The following DAPK2 variants were observed in gnomAD, a reference collection of about 807,000 sequenced individuals.
DAPK2 encodes the protein death associated protein kinase 2, also known as death-associated protein kinase 2.
Under a neutral mutation model 44.1 loss-of-function variants are expected in DAPK2, and 35 were observed. The observed-to-expected ratio is 0.79, with a 90% CI of 0.61 to 1.05. The LOEUF (loss-of-function observed/expected upper bound fraction) is 1.05, where lower values mean the gene tolerates loss of function less well. Ranked by LOEUF, DAPK2 falls within the 50% of genes least tolerant of loss-of-function variation. The pLI is 0.00. For missense variants in DAPK2, 453 were observed against 483.2 expected, an observed-to-expected ratio of 0.94 and a Z score of 0.59; for synonymous variants, 174 against 182.6, an observed-to-expected ratio of 0.95 and a Z score of 0.38.
intron 2 of DAPK2, among the ~76,000 whole-genome samples, chr15:63,975,379 C>G (rs753862953): frequency 6.6e-6 from 1 of 152,158 alleles, no homozygotes; most frequent in Non-Finnish European, 1.5e-5. Context: ...AACACATACT[C>G]TATGTTACAT....
chr15:63,948,047 C>T (rs2077493560), intron 3 of DAPK2, among the ~76,000 whole-genome samples: 2 of 152,060 alleles, frequency 1.3e-5, no homozygotes, highest in South Asian at 4.1e-4. Flanking sequence ...GTGGGCAAAG[C>T]ACCTGAGGTC....
At position 63,939,823 on chromosome 15, in the gene DAPK2, C is replaced by T. The variant is rs377537762; in HGVS notation, c.454-462G>A. 2.6e-5 allele frequency among the ~76,000 whole-genome samples: 4 copies of T among 152,272 alleles called. No individual in the cohort carries two copies. Among genetic ancestry groups the T allele is most frequent in the South Asian group, 4.1e-4 (2 of 4,822 alleles). Reference sequence around the variant, plus strand: ...GCTTACTGACCTTGGTCTTCCTGACCGCCTCTTTCCCCTGGCCAGCCAACT... The same window carrying T: ...GCTTACTGACCTTGGTCTTCCTGACTGCCTCTTTCCCCTGGCCAGCCAACT... On this transcript the variant is annotated intron_variant, in intron 3 of 10. Coordinates refer to ENST00000261891, the Ensembl canonical transcript of DAPK2. This position sits in a 1 kb window ranked among gnomAD's most constrained non-coding sequence, Gnocchi z 4.3.
At chr15:63,942,169 T>G in intron 3 of DAPK2, 1 of 977,406 alleles carries the variant, frequency 1.0e-6, no homozygotes, top group Non-Finnish European at 1.2e-6. Context: ...GAATTGAGGC[T>G]GAAATAAGAT....
Position 63,912,170 on chromosome 15 carries a change from G to T in DAPK2, c.886C>A (p.Arg296Ser). The T allele has an allele frequency of 1.2e-6, 2 of 1,613,580 alleles. No homozygotes were observed. The highest frequency in any genetic ancestry group is 1.7e-6 in the Non-Finnish European group (2 of 1,179,946). Residue 296 changes from arginine to serine, a missense_variant, in exon 9 of 11, where the codon CGC becomes AGC. Transcript: ENST00000261891. The surrounding 1 kb of genome is among the most constrained non-coding windows in gnomAD (Gnocchi z 4.4). ...TCCAGATTGACCACAGACTCCCTGCGCACCATGGCTTGCTGGTTGTCCACC... is the reference window on the plus strand; with the variant it reads ...TCCAGATTGACCACAGACTCCCTGCTCACCATGGCTTGCTGGTTGTCCACC...
chr15:64,015,000 C>G (rs1318738113), intron 1 of DAPK2, among the ~76,000 whole-genome samples: 1 of 151,298 alleles, frequency 6.6e-6, no homozygotes, highest in Non-Finnish European at 1.5e-5. Context: ...CGTTGATAGC[C>G]AAGAGGCATG....
At chr15:63,914,790 T>G (rs931821141) in intron 8 of DAPK2, among the ~76,000 whole-genome samples, 1 of 152,226 alleles carries the variant, frequency 6.6e-6, no homozygotes, top group African/African-American at 2.4e-5. Context: ...CTTTATCACC[T>G]TGTTCAAGTC....
In DAPK2 at chr15:63,917,382, A is replaced by C. The variant is rs1230099585; in HGVS notation, c.859-5185T>G. The stretch of plus-strand genomic sequence containing the variant: ...CTGTCTCAAAAAAAAAAAAAGAAAA[A>C]AAGAAGAAGAAAATCCTTAGCAGAG... On this transcript the variant is annotated intron_variant, in intron 8 of 10. Transcript: ENST00000261891. The surrounding 1 kb of genome is among the most constrained non-coding windows in gnomAD (Gnocchi z 4.4). 3 of 152,096 alleles carry C rather than the reference A, an allele frequency of 2.0e-5. No homozygotes were observed. The highest frequency in any genetic ancestry group is 4.1e-4 in the South Asian group (2 of 4,826). The allele number at this position is 152,096 out of a possible 1,614,324, so 9.4% of individuals were successfully genotyped here. A position where few individuals can be genotyped will look rare whatever the true frequency, so the allele number is the denominator to read the frequency against.
chr15:64,043,617 C>T (rs1181361282), upstream of DAPK2, among the ~76,000 whole-genome samples: 2 of 152,010 alleles, frequency 1.3e-5, no homozygotes, highest in African/African-American at 4.8e-5. Flanking sequence ...AGGGGAGCTT[C>T]GGAGGCTTCA....
intron 8 of DAPK2, 158 bp downstream of exon 9, chr15:63,924,658 C>T: frequency 1.4e-6 from 1 of 707,910 alleles, no homozygotes; most frequent in Non-Finnish European, 2.4e-6. Context: ...CGAATAAGCC[C>T]AGGCCCTCTG....
At chr15:64,032,576 T>C (rs1330479396) in intron 1 of DAPK2, among the ~76,000 whole-genome samples, 1 of 152,200 alleles carries the variant, frequency 6.6e-6, no homozygotes, top group Non-Finnish European at 1.5e-5. Context: ...TACATGCAAG[T>C]ACGTGTGCCA....
intron 1 of DAPK2, among the ~76,000 whole-genome samples, chr15:64,026,466 A>T (rs2079850461): frequency 6.6e-6 from 1 of 151,580 alleles, no homozygotes; most frequent in Non-Finnish European, 1.5e-5. Context: ...CTGGTCTCAA[A>T]CTCCTGGGCT....
At chr15:63,984,243 G>A (rs752712474) in intron 1 of DAPK2, among the ~76,000 whole-genome samples, 4 of 152,208 alleles carry the variant, frequency 2.6e-5, no homozygotes. Context: ...GTACAATTAG[G>A]AAACTGAGGC....
intron 3 of DAPK2, among the ~76,000 whole-genome samples, chr15:63,962,821 C>A (rs535660104): frequency 1.3e-5 from 2 of 152,350 alleles, no homozygotes; most frequent in South Asian, 2.1e-4. Context: ...AGGAGGCAGT[C>A]TGTCCATTCT....
Position 63,990,750 on chromosome 15 carries a change from G to A in DAPK2, c.93-6996C>T, listed in dbSNP as rs890796115. Reference sequence around the variant, plus strand: ...CGTGATTCCTCTGGAATTACCCTGCGAGGTTTCAGGGCCATAGGGCAGGGA... The same window carrying A: ...CGTGATTCCTCTGGAATTACCCTGCAAGGTTTCAGGGCCATAGGGCAGGGA... On this transcript the variant is annotated intron_variant, in intron 1 of 10. Transcript: ENST00000261891. The surrounding 1 kb of genome is among the most constrained non-coding windows in gnomAD (Gnocchi z 4.3). 1.7e-4 allele frequency among the ~76,000 whole-genome samples: 26 copies of A among 152,176 alleles called. No individual in the cohort carries two copies. Among genetic ancestry groups the A allele is most frequent in the African/African-American group, 5.3e-4 (22 of 41,442 alleles).
intron 8 of DAPK2, 194 bp downstream of exon 9, chr15:63,924,616 CAAACTT>C: frequency 1.8e-6 from 1 of 546,612 alleles, no homozygotes; most frequent in South Asian, 2.7e-5. Context: ...TTGAGACACA[CAAACTT>C]AAAATAGCAA....
chr15:64,018,620 C>A (rs1352459523), intron 1 of DAPK2, among the ~76,000 whole-genome samples: 1 of 152,194 alleles, frequency 6.6e-6, no homozygotes, highest in Non-Finnish European at 1.5e-5. Flanking sequence ...CCACCTGGCC[C>A]CTCTAGGTTG....
At chr15:63,944,800 A>C (rs1399588701) in intron 3 of DAPK2, among the ~76,000 whole-genome samples, 5 of 152,054 alleles carry the variant, frequency 3.3e-5, no homozygotes, top group African/African-American at 1.2e-4. Context: ...GAAAGTCCAA[A>C]TGCCCCACCT....
chr15:64,012,804 G>A (rs970614019), intron 1 of DAPK2, among the ~76,000 whole-genome samples: 1 of 152,180 alleles, frequency 6.6e-6, no homozygotes, highest in East Asian at 1.9e-4. Context: ...AGGATGGTGG[G>A]AGGGAACTTT....
intron 1 of DAPK2, among the ~76,000 whole-genome samples, chr15:64,011,002 C>A (rs1430572350): frequency 6.6e-6 from 1 of 152,174 alleles, no homozygotes; most frequent in Non-Finnish European, 1.5e-5. Flanking sequence ...GGGGACATAG[C>A]AACAACACAG....
Sources: gnomAD v4.1 joint callset for allele counts (sites outside exome capture counted in the v4.1 genomes callset) on GRCh38, gnomAD v4.1.1 for gene constraint, Gnocchi (gnomAD v3.1) non-coding constraint, MANE v1.5 for transcripts, NCBI Gene and HGNC (gene_info 2026-07-23, HGNC 2026-07-21) for gene names.